The following MAF variants were observed in gnomAD, a reference collection of about 807,000 sequenced individuals.
MAF encodes the protein MAF bZIP transcription factor, also known as transcription factor Maf.
A neutral mutation model predicts 22.0 loss-of-function variants in MAF; 10 were observed. That is an observed-to-expected ratio of 0.45 (90% CI 0.28 to 0.77). MAF has a LOEUF of 0.77. MAF is among the 30% of genes least tolerant of loss of function. The probability of loss-of-function intolerance (pLI) is 0.12; values close to 1 mark genes in which losing one functional copy is unlikely to be tolerated. For synonymous variants in MAF, 337 were observed against 255.8 expected (o/e 1.32, Z -3.03); for missense variants, 544 against 548.4 (o/e 0.99, Z 0.08).
At chr16:79,530,675 ATTATTT>A in the MAF span, among the ~76,000 whole-genome samples, 12 of 152,206 alleles carry the variant, frequency 7.9e-5, no homozygotes, top group African/African-American at 2.4e-5. Flanking sequence ...CTGAGTGCTT[ATTATTT>A]TTATCATCAT....
the MAF span, among the ~76,000 whole-genome samples, chr16:79,459,338 G>C: frequency 7.9e-5 from 12 of 152,106 alleles, 1 homozygote; most frequent in Non-Finnish European, 1.8e-4. Flanking sequence ...TTGTTCTAGG[G>C]GCTGGGGTGA....
chr16:79,326,702 A>G, the MAF span, among the ~76,000 whole-genome samples: 6 of 152,200 alleles, frequency 3.9e-5, no homozygotes, highest in Non-Finnish European at 7.3e-5. Context: ...GGAGTATGTA[A>G]ATGCAGGAGC....
the MAF span, among the ~76,000 whole-genome samples, chr16:79,471,083 T>C: frequency 2.0e-5 from 3 of 152,190 alleles, no homozygotes; most frequent in Non-Finnish European, 4.4e-5. Context: ...CCATGCCATC[T>C]TTTAGGTACA....
chr16:79,522,625 G>T, the MAF span, among the ~76,000 whole-genome samples: 6 of 152,152 alleles, frequency 3.9e-5, no homozygotes, highest in African/African-American at 1.4e-4. Context: ...CACAGTTCAT[G>T]CATCCAAAGG....
chr16:79,204,193 G>A, the MAF span: 2 of 152,156 alleles, frequency 1.3e-5, no homozygotes, highest in Non-Finnish European at 2.9e-5. Context: ...TTTGAGCAAT[G>A]TAGGTATCCC....
the MAF span, among the ~76,000 whole-genome samples, chr16:79,535,297 A>G: frequency 6.6e-6 from 1 of 151,904 alleles, no homozygotes; most frequent in Admixed American, 6.6e-5. Context: ...TTCTGATACT[A>G]TCATCTTAAC....
At chr16:79,473,694 C>T in the MAF span, among the ~76,000 whole-genome samples, 32 of 152,126 alleles carry the variant, frequency 2.1e-4, no homozygotes, top group South Asian at 4.2e-4. Context: ...TTATTCTCCA[C>T]CTGCAGTTAA....
At chr16:79,598,667 G>C (rs1380095285) in intron 1 of MAF, 118 bp downstream of exon 1, 4 of 1,545,032 alleles carry the variant, frequency 2.6e-6, no homozygotes, top group Non-Finnish European at 3.5e-6. Context: ...AACTCGGTGG[G>C]GGTGGGGGTG....
the MAF span, among the ~76,000 whole-genome samples, chr16:79,362,132 C>T: frequency 3.9e-5 from 6 of 152,144 alleles, no homozygotes; most frequent in Admixed American, 6.5e-5. Context: ...CAAAATGGTG[C>T]TATTCACAGT....
chr16:79,211,885 T>A, the MAF span: 1 of 1,580,946 alleles, frequency 6.3e-7, no homozygotes, highest in Non-Finnish European at 8.6e-7. Flanking sequence ...CAAATGTCCC[T>A]CCAACACAGA....
the MAF span, among the ~76,000 whole-genome samples, chr16:79,376,410 A>T: frequency 6.6e-5 from 10 of 152,232 alleles, no homozygotes; most frequent in East Asian, 1.9e-3. Flanking sequence ...AAGTTATTAC[A>T]CTATGACCCA....
the MAF span, chr16:79,212,359 AG>A: frequency 1.7e-6 from 1 of 584,538 alleles, no homozygotes; most frequent in Non-Finnish European, 2.9e-6. Flanking sequence ...TGACACCCAG[AG>A]GGAGTAGAAT....
the MAF span, among the ~76,000 whole-genome samples, chr16:79,521,451 C>T: frequency 3.9e-5 from 6 of 152,182 alleles, no homozygotes; most frequent in Non-Finnish European, 8.8e-5. Flanking sequence ...TTCAGCCCAC[C>T]ATTAATCCTC....
the MAF span, among the ~76,000 whole-genome samples, chr16:79,344,165 G>C: frequency 6.6e-6 from 1 of 152,134 alleles, no homozygotes; most frequent in South Asian, 2.1e-4. Flanking sequence ...TGCCTCTCTA[G>C]GAGGGATGAA....
chr16:79,239,544 C>T, the MAF span, among the ~76,000 whole-genome samples: 2 of 152,154 alleles, frequency 1.3e-5, no homozygotes, highest in South Asian at 4.1e-4. Flanking sequence ...AGACTTTCCA[C>T]AGATGGCCAG....
the MAF span, among the ~76,000 whole-genome samples, chr16:79,539,717 T>C: frequency 6.6e-6 from 1 of 152,306 alleles, no homozygotes; most frequent in Admixed American, 6.5e-5. Context: ...TCATAAAGTA[T>C]AATATTCTGC....
the MAF span, among the ~76,000 whole-genome samples, chr16:79,208,304 C>T: frequency 5.3e-5 from 8 of 151,936 alleles, no homozygotes; most frequent in East Asian, 7.7e-4. Context: ...GCCATTGCTG[C>T]GGGATAGACA....
chr16:79,378,280 T>C, the MAF span, among the ~76,000 whole-genome samples: 1 of 152,178 alleles, frequency 6.6e-6, no homozygotes, highest in Non-Finnish European at 1.5e-5. Context: ...AATGGAATAC[T>C]ATACAGCAAT....
At chr16:79,549,711 A>T in the MAF span, among the ~76,000 whole-genome samples, 3 of 152,256 alleles carry the variant, frequency 2.0e-5, no homozygotes, top group East Asian at 5.8e-4. Flanking sequence ...TGCAGCATCT[A>T]AAAAAGCGCC....
Sources: allele counts gnomAD v4.1 joint callset (sites outside exome capture counted in the v4.1 genomes callset), GRCh38; gene constraint gnomAD v4.1.1; transcripts MANE v1.5; gene names NCBI Gene and HGNC (gene_info 2026-07-23, HGNC 2026-07-21).